Variants in MYCBP2 observed in about 807,000 individuals in gnomAD.
MYCBP2 encodes the protein E3 ubiquitin-protein ligase MYCBP2.
In MYCBP2, 120 loss-of-function variants were observed where a neutral mutation model predicts 525.3. The observed-to-expected ratio is 0.23, with a 90% CI of 0.20 to 0.27. The LOEUF is 0.27. Among genes scored for constraint, MYCBP2 ranks in the 10% least tolerant of loss-of-function variants. The pLI is 1.00. For missense variants in MYCBP2, 4,149 were observed against 5,657.1 expected (o/e 0.73, Z 8.55); for synonymous variants, 1,894 against 1,955.8 (o/e 0.97, Z 0.83).
At position 77,171,531 on chromosome 13, in the gene MYCBP2, C is replaced by A. The variant is rs35887505; in HGVS notation, c.5755G>T (p.Ala1919Ser). Residue 1919 changes from alanine to serine, a missense_variant, in exon 38 of 83, where the codon GCC becomes TCC. Physicochemically the swap from Ala to Ser is moderately conservative, Grantham distance 99. Around this residue, in one of 21 missense-constraint regions of MYCBP2, gnomAD observed 692 missense variants for 852.7 expected, o/e 0.81. Coordinates refer to ENST00000544440, the MANE Select transcript of MYCBP2 (RefSeq NM_015057.5). Reference sequence around the variant, plus strand: ...GCTCTGTGCAGGAGGTCCTTAGAGGCTCGAACGACAGTGCTTACAACAGAC... The same window carrying A: ...GCTCTGTGCAGGAGGTCCTTAGAGGATCGAACGACAGTGCTTACAACAGAC... ...ALSVVSTVVR[A>S]SKDLLHRALA... 3.1e-3 allele frequency: 5,084 copies of A among 1,614,044 alleles called. 133 individuals are homozygous for A. The African/African-American group carries it at 0.06, about 19-fold the overall frequency.
chr13:77,079,314 A>G (rs1282285140), intron 65 of MYCBP2, among the ~76,000 whole-genome samples: 1 of 152,180 alleles, frequency 6.6e-6, no homozygotes, highest in Non-Finnish European at 1.5e-5. Flanking sequence ...AGACTTCCTT[A>G]CAGATTTGAA....
chr13:77,304,297 T>TA (rs1351363590), intron 1 of MYCBP2, among the ~76,000 whole-genome samples: 2 of 152,174 alleles, frequency 1.3e-5, no homozygotes, highest in African/African-American at 2.4e-5. Flanking sequence ...ATTTAGTGAT[T>TA]AAAAAAGAGT....
In MYCBP2 at chr13:77,051,883, C is replaced by T. The variant is rs148596992; in HGVS notation, c.13683G>A (p.Glu4561=). The change falls in exon 81 of 83, where the codon GAG becomes GAA. Residue 4561 remains glutamate, a synonymous_variant. Coordinates refer to ENST00000544440, the MANE Select transcript of MYCBP2 (RefSeq NM_015057.5). ...GATCATAATCATCTCCCCGTCCAGC[C>T]TCAGCATCGCAGCGAGCTTCACCAC... is the stretch of plus-strand genomic sequence containing the variant. The part of the protein sequence containing the change: ...YFGGEARCDA[E]AGRGDDYDPR... 1.5e-4 allele frequency: 239 copies of T among 1,614,160 alleles called. No homozygotes were observed. Among genetic ancestry groups the T allele is most frequent in the Non-Finnish European group, 1.9e-4 (225 of 1,180,036 alleles).
Position 77,180,186 on chromosome 13 carries a change from T to G in MYCBP2, c.5074A>C (p.Thr1692Pro). Residue 1692 changes from threonine to proline, a missense_variant, in exon 34 of 83, where the codon ACC becomes CCC. Physicochemically the swap from Thr to Pro is conservative, Grantham distance 38 (BLOSUM62 -1). Transcript: ENST00000544440. ...ELFSSHLVSN[T>P]CGLLASIVSE... ...ACAATGCTGGCCAGTAATCCACAGG[T>G]GTTAGAGACGAGGTGGGAGGAGAAG... 6.2e-7 allele frequency: 1 copy of G among 1,614,092 alleles called. No homozygotes were observed. The highest frequency in any genetic ancestry group is 8.5e-7 in the Non-Finnish European group (1 of 1,179,990).
intron 1 of MYCBP2, among the ~76,000 whole-genome samples, chr13:77,308,026 T>C (rs1418078284): frequency 6.6e-6 from 1 of 152,220 alleles, no homozygotes; most frequent in African/African-American, 2.4e-5. Context: ...GTTACAAACC[T>C]TGTTCAATAA....
At chr13:77,199,959 A>G (rs2062281698) in intron 26 of MYCBP2, among the ~76,000 whole-genome samples, 1 of 152,230 alleles carries the variant, frequency 6.6e-6, no homozygotes, top group Non-Finnish European at 1.5e-5. Flanking sequence ...GAGCAGAAAA[A>G]CTGGAAACTC....
Position 77,251,253 on chromosome 13 carries a change from T to A in MYCBP2, c.2279A>T (p.Lys760Ile). 1 of 1,614,198 alleles carries A rather than the reference T, an allele frequency of 6.2e-7. No homozygotes were observed. Among genetic ancestry groups the A allele is most frequent in the Non-Finnish European group, 8.5e-7 (1 of 1,180,014 alleles). ...KSMMCPPGMH[K>I]WKLEQCMVCT... The stretch of plus-strand genomic sequence containing the variant: ...AACCATGCACTGCTCCAGCTTCCAT[T>A]TGTGCATGCCTGGAGGGCACATCAT... The change falls in exon 15 of 83, where the codon AAA becomes ATA. Residue 760 changes from lysine to isoleucine, a missense_variant. Lys to Ile is a moderately radical substitution (Grantham distance 102). Around this residue, in one of 21 missense-constraint regions of MYCBP2, gnomAD observed 620 missense variants for 795.5 expected, o/e 0.78. Coordinates refer to ENST00000544440, the MANE Select transcript of MYCBP2 (RefSeq NM_015057.5).
At chr13:77,252,065 G>A (rs1374003832) in intron 14 of MYCBP2, among the ~76,000 whole-genome samples, 1 of 152,154 alleles carries the variant, frequency 6.6e-6, no homozygotes, top group East Asian at 1.9e-4. Flanking sequence ...TTTCCAGGCA[G>A]TCAGTCACTA....
rs1031409104 is a variant in MYCBP2, at chr13:77,053,120, A to G, written c.13648-1202T>C. 4.6e-5 allele frequency among the ~76,000 whole-genome samples: 7 copies of G among 151,290 alleles called. No individual in the cohort carries two copies. In the South Asian group the frequency reaches 6.3e-4, roughly 14 times the overall value. The stretch of plus-strand genomic sequence containing the variant: ...GCCACTGCACTCCAGCCTGGGTGAT[A>G]TGGTGAGACCCCGTCTCAAAAAAAA... On this transcript the variant is annotated intron_variant, in intron 80 of 82. Transcript: ENST00000544440.
chr13:77,292,914 A>G (rs2077636992), intron 2 of MYCBP2, among the ~76,000 whole-genome samples: 1 of 148,214 alleles, frequency 6.7e-6, no homozygotes, highest in South Asian at 2.2e-4. Flanking sequence ...CTGAGATCGC[A>G]CACCACTGCA....
At chr13:77,225,396 T>A in intron 19 of MYCBP2, 39 bp downstream of exon 19, 1 of 1,611,432 alleles carries the variant, frequency 6.2e-7, no homozygotes, top group Non-Finnish European at 8.5e-7. Context: ...TGAGCACAAT[T>A]GTAAAAACGC....
intron 55 of MYCBP2, among the ~76,000 whole-genome samples, chr13:77,107,432 T>C (rs982514035): frequency 6.6e-6 from 1 of 152,170 alleles, no homozygotes; most frequent in Non-Finnish European, 1.5e-5. Flanking sequence ...TAATGCTTCA[T>C]AGGATTTTTC....
chr13:77,210,845 A>G (rs1196302535), intron 23 of MYCBP2, among the ~76,000 whole-genome samples: 1 of 152,210 alleles, frequency 6.6e-6, no homozygotes, highest in African/African-American at 2.4e-5. Flanking sequence ...TATGGCACCT[A>G]GTATGCACCT....
At chr13:77,264,745 G>A (rs532998904) in intron 8 of MYCBP2, among the ~76,000 whole-genome samples, 2 of 152,142 alleles carry the variant, frequency 1.3e-5, no homozygotes, top group Non-Finnish European at 2.9e-5. Flanking sequence ...CAGTATTACA[G>A]AAGGACCACA....
intron 13 of MYCBP2, among the ~76,000 whole-genome samples, chr13:77,258,403 T>C (rs890398842): frequency 5.9e-5 from 9 of 152,200 alleles, no homozygotes; most frequent in African/African-American, 2.2e-4. Context: ...ACTCATATTA[T>C]CTATTTAATA....
rs781353237 is a variant in MYCBP2, at chr13:77,188,987, G to A, written c.4215C>T (p.His1405=). ...TTCTTGCAAAAGACCTCTTTAAAAT[G>A]TGTACAGGTTCACTGGTTTGCTGTT... ...KGKQQTSEPV[H]ILKRSFARTV... is the part of the protein sequence containing the mutation. The change falls in exon 30 of 83, where the codon CAC becomes CAT. Residue 1405 remains histidine (H), a synonymous_variant. Coordinates refer to ENST00000544440, the MANE Select transcript of MYCBP2 (RefSeq NM_015057.5). The A allele has an allele frequency of 1.2e-6, 2 of 1,609,890 alleles. No individual in the cohort carries two copies. Among genetic ancestry groups the A allele is most frequent in the Non-Finnish European group, 1.7e-6 (2 of 1,178,336 alleles).
chr13:77,250,523 T>C (rs1479206002), intron 15 of MYCBP2, among the ~76,000 whole-genome samples: 1 of 152,196 alleles, frequency 6.6e-6, no homozygotes, highest in Admixed American at 6.5e-5. Context: ...TAACTAGCAA[T>C]GTAGAAAATA....
intron 14 of MYCBP2, among the ~76,000 whole-genome samples, chr13:77,254,260 G>A (rs1351694096): frequency 1.3e-5 from 2 of 151,592 alleles, no homozygotes; most frequent in Non-Finnish European, 3.0e-5. Flanking sequence ...AAATATATAA[G>A]AACATGATTG....
At chr13:77,151,033 C>G in intron 46 of MYCBP2, 84 bp from the exon 47 acceptor site, 2 of 1,078,354 alleles carry the variant, frequency 1.9e-6, no homozygotes, top group Non-Finnish European at 2.8e-6. Flanking sequence ...ATTATAAACT[C>G]ATAATTATGT....
Sources: allele counts gnomAD v4.1 joint callset (sites outside exome capture counted in the v4.1 genomes callset), GRCh38; gene constraint gnomAD v4.1.1; regional missense constraint gnomAD v4.1.1; transcripts MANE v1.5; gene names NCBI Gene and HGNC (gene_info 2026-07-23, HGNC 2026-07-21).